Variants in NRG3 observed in about 807,000 individuals in gnomAD.
NRG3 encodes pro-neuregulin-3, membrane-bound isoform.
A neutral mutation model predicts 66.9 loss-of-function variants in NRG3; 31 were observed. The observed-to-expected ratio is 0.46, with a 90% CI of 0.35 to 0.63. NRG3 has a LOEUF of 0.63. NRG3 is among the 20% of genes least tolerant of loss of function. NRG3 has a pLI of 0.00. For missense variants in NRG3, 910 were observed against 878.9 expected (o/e 1.04, Z -0.45); for synonymous variants, 393 against 359.4 (o/e 1.09, Z -1.06).
intron 2 of NRG3, among the ~76,000 whole-genome samples, chr10:82,392,444 CAAA>C (rs1196059045): frequency 1.3e-5 from 2 of 151,960 alleles, no homozygotes; most frequent in Non-Finnish European, 2.9e-5. Context: ...TAATAAATGC[CAAA>C]AGGTACATTA....
intron 3 of NRG3, among the ~76,000 whole-genome samples, chr10:82,806,865 C>T (rs1417666918): frequency 6.6e-6 from 1 of 152,090 alleles, no homozygotes. Context: ...AGATAGGCAC[C>T]ATCTGCATGT....
At chr10:82,678,283 G>T (rs918905651) in intron 2 of NRG3, among the ~76,000 whole-genome samples, 1 of 152,122 alleles carries the variant, frequency 6.6e-6, no homozygotes, top group Non-Finnish European at 1.5e-5. Flanking sequence ...GTCCGAAAAA[G>T]AGAGTCAGCG....
chr10:82,109,524 A>G (rs987801867), intron 1 of NRG3, among the ~76,000 whole-genome samples: 3 of 148,894 alleles, frequency 2.0e-5, no homozygotes, highest in African/African-American at 7.4e-5. Flanking sequence ...AAACAAAGCT[A>G]AAGAATAAGA....
intron 2 of NRG3, among the ~76,000 whole-genome samples, chr10:82,692,802 G>A (rs951341825): frequency 6.6e-6 from 1 of 152,192 alleles, no homozygotes; most frequent in Admixed American, 6.5e-5. Flanking sequence ...TTCCGTATCT[G>A]CGTAGGCCTT....
chr10:82,757,684 C>T (rs2059133780), intron 3 of NRG3, among the ~76,000 whole-genome samples: 1 of 152,018 alleles, frequency 6.6e-6, no homozygotes, highest in Non-Finnish European at 1.5e-5. Context: ...GGAGATGATG[C>T]TCTGTATAAT....
chr10:82,952,469 C>G (rs1365333514), intron 5 of NRG3, among the ~76,000 whole-genome samples: 4 of 35,416 alleles, frequency 1.1e-4, no homozygotes, highest in African/African-American at 3.8e-4. Flanking sequence ...CTCTCTCTCT[C>G]TCTGTGTGTG....
intron 2 of NRG3, among the ~76,000 whole-genome samples, chr10:82,408,561 C>A (rs1564889000): frequency 1.3e-5 from 2 of 151,170 alleles, no homozygotes; most frequent in East Asian, 1.9e-4. Flanking sequence ...TACTCCAATT[C>A]TTGATGAACG....
intron 3 of NRG3, among the ~76,000 whole-genome samples, chr10:82,759,726 T>C (rs2059226615): frequency 6.6e-6 from 1 of 152,150 alleles, no homozygotes; most frequent in African/African-American, 2.4e-5. Context: ...CACAAAAACA[T>C]ACAAGTGTTT....
At chr10:82,107,511 T>A (rs192388136) in intron 1 of NRG3, among the ~76,000 whole-genome samples, 31 of 152,212 alleles carry the variant, frequency 2.0e-4, no homozygotes, top group Admixed American at 1.6e-3. Context: ...TTACTTATTT[T>A]AAAAAAAATT....
intron 3 of NRG3, among the ~76,000 whole-genome samples, chr10:82,834,448 A>G (rs2062678377): frequency 6.6e-6 from 1 of 152,072 alleles, no homozygotes; most frequent in African/African-American, 2.4e-5. Context: ...CATATTAACA[A>G]CCCTCAGTGA....
intron 1 of NRG3, among the ~76,000 whole-genome samples, chr10:82,133,877 A>G (rs1456076428): frequency 6.6e-6 from 1 of 152,154 alleles, no homozygotes; most frequent in Non-Finnish European, 1.5e-5. Context: ...GTACACTTCC[A>G]TCAAGAGTGT....
At chr10:82,940,419 T>A (rs1163751456) in intron 4 of NRG3, among the ~76,000 whole-genome samples, 1 of 152,216 alleles carries the variant, frequency 6.6e-6, no homozygotes, top group Non-Finnish European at 1.5e-5. Context: ...CATCTTTAGA[T>A]GATGTTCTCC....
At chr10:82,621,642 G>A (rs961585565) in intron 2 of NRG3, among the ~76,000 whole-genome samples, 1 of 152,140 alleles carries the variant, frequency 6.6e-6, no homozygotes, top group Non-Finnish European at 1.5e-5. Context: ...TAGACTGGGG[G>A]GAGATAGTAA....
chr10:82,812,558 A>G (rs572685757), intron 3 of NRG3, among the ~76,000 whole-genome samples: 41 of 152,240 alleles, frequency 2.7e-4, no homozygotes, highest in Non-Finnish European at 4.6e-4. Flanking sequence ...AAATAAAAAT[A>G]AGATCTTTAT....
intron 2 of NRG3, among the ~76,000 whole-genome samples, chr10:82,700,755 G>A (rs2055806896): frequency 1.3e-5 from 2 of 151,992 alleles, no homozygotes; most frequent in African/African-American, 4.8e-5. Context: ...TCTACATCCT[G>A]TGGCATAAAT....
chr10:82,211,865 C>T (rs1369186789), intron 1 of NRG3, among the ~76,000 whole-genome samples: 1 of 152,132 alleles, frequency 6.6e-6, no homozygotes. Context: ...GACCATAACA[C>T]ACCCCTATAC....
chr10:82,647,443 T>G (rs1164450109), intron 2 of NRG3, among the ~76,000 whole-genome samples: 1 of 152,184 alleles, frequency 6.6e-6, no homozygotes, highest in East Asian at 1.9e-4. Context: ...TTTGCTATTG[T>G]GAATAGAGCT....
At chr10:82,472,219 G>A (rs535978562) in intron 2 of NRG3, among the ~76,000 whole-genome samples, 2 of 152,266 alleles carry the variant, frequency 1.3e-5, no homozygotes, top group East Asian at 3.9e-4. Context: ...CCCAGAGCCT[G>A]GGGCATTGAA....
At chr10:82,819,492 C>T (rs1565349178) in intron 3 of NRG3, among the ~76,000 whole-genome samples, 1 of 152,108 alleles carries the variant, frequency 6.6e-6, no homozygotes, top group African/African-American at 2.4e-5. Context: ...AACCTTGCGC[C>T]AATGACTATA....
Sources: allele counts gnomAD v4.1 joint callset (sites outside exome capture counted in the v4.1 genomes callset), GRCh38; gene constraint gnomAD v4.1.1; transcripts MANE v1.5; gene names NCBI Gene and HGNC (gene_info 2026-07-23, HGNC 2026-07-21).